The following CFAP57 variants were observed in gnomAD, a reference collection of about 807,000 sequenced individuals.
The protein encoded by CFAP57 is cilia and flagella associated protein 57, also known as cilia- and flagella-associated protein 57.
A neutral mutation model predicts 146.8 loss-of-function variants in CFAP57; 116 were observed. The ratio of observed to expected loss-of-function variants is 0.79; its 90% CI spans 0.68 to 0.92. The LOEUF (loss-of-function observed/expected upper bound fraction) is 0.92. Ranked by LOEUF, CFAP57 falls within the 40% of genes least tolerant of loss-of-function variation. CFAP57 has a pLI of 0.00. For synonymous variants in CFAP57, 518 were observed against 552.8 expected (o/e 0.94, Z 0.88); for missense variants, 1,377 against 1,527.2 (o/e 0.90, Z 1.64).
At chr1:43,232,099 G>A (rs999753677) in intron 18 of CFAP57, 10 of 701,516 alleles carry the variant, frequency 1.4e-5, no homozygotes, top group East Asian at 5.4e-5. Flanking sequence ...CCAGAGGGTC[G>A]AGATTCACTT....
intron 22 of CFAP57, among the ~76,000 whole-genome samples, chr1:43,248,879 C>T (rs1334602440): frequency 6.6e-6 from 1 of 151,314 alleles, no homozygotes; most frequent in East Asian, 1.9e-4. Context: ...ATATCATAAC[C>T]TTTTTTTAAT....
Position 43,206,253 on chromosome 1 carries a change from A to G in CFAP57, c.1543-467A>G, listed in dbSNP as rs191921882. 7.5e-5 allele frequency: 13 copies of G among 172,220 alleles called. No individual in the cohort carries two copies. In the East Asian group the frequency reaches 1.8e-3, roughly 24 times the overall value. The allele number at this position is 172,220 out of a possible 1,614,324, so 10.7% of individuals were successfully genotyped here. A position where few individuals can be genotyped will look rare whatever the true frequency, so the allele number is the denominator to read the frequency against. On this transcript the variant is annotated intron_variant, in intron 9 of 22. Coordinates refer to ENST00000372492, the MANE Select transcript of CFAP57 (RefSeq NM_001378189.1). ...TGGGACTACAGATGTGATCCACTGC[A>G]CCCAGCCTTCTAAAGACTTTAAATG...
At chr1:43,224,973 T>C (rs908125793) in intron 17 of CFAP57, among the ~76,000 whole-genome samples, 2 of 152,214 alleles carry the variant, frequency 1.3e-5, no homozygotes, top group African/African-American at 4.8e-5. Context: ...TCAAGGGGTC[T>C]TGTAAGGATC....
intron 2 of CFAP57, among the ~76,000 whole-genome samples, chr1:43,180,223 T>TTATATATATATATATATA (rs1289107795): frequency 7.9e-4 from 108 of 137,376 alleles, no homozygotes; most frequent in African/African-American, 2.8e-3. Flanking sequence ...TATATATATT[T>TTATATATATATATATATA]TATATATATA....
chr1:43,200,235 A>T (rs1176308533), intron 9 of CFAP57, among the ~76,000 whole-genome samples: 1 of 152,130 alleles, frequency 6.6e-6, no homozygotes, highest in Non-Finnish European at 1.5e-5. Context: ...CCTATAATCT[A>T]AGCACTTTGG....
At position 43,221,391 on chromosome 1, in the gene CFAP57, A is replaced by G. The variant is rs891929099; in HGVS notation, c.2267A>G (p.Glu756Gly). The change falls in exon 14 of 23, where the codon GAG (glutamate) becomes GGG (glycine). Residue 756 changes from glutamate to glycine, a missense_variant. By Grantham distance (98) the Glu-to-Gly change is moderately conservative (BLOSUM62 -2). Transcript: ENST00000372492. ...TTTTAGGTCTTAAGAACAGAAAAAG[A>G]GAAGCAGGATGTTTATCACCATGAG... ...TKNQVLRTEK[E>G]KQDVYHHEHI... is the part of the protein sequence containing the mutation. 7 of 1,543,006 alleles carry G rather than the reference A, an allele frequency of 4.5e-6. No homozygotes were observed. In the East Asian group the frequency reaches 1.7e-4, roughly 38 times the overall value.
intron 6 of CFAP57, among the ~76,000 whole-genome samples, chr1:43,195,469 C>T (rs549874030): frequency 1.3e-4 from 19 of 151,342 alleles, no homozygotes; most frequent in Middle Eastern, 3.4e-3. Context: ...TGCAGTGAGC[C>T]GAGATCACGC....
intron 9 of CFAP57, among the ~76,000 whole-genome samples, chr1:43,205,656 C>T (rs776403474): frequency 3.3e-5 from 5 of 152,066 alleles, no homozygotes; most frequent in Admixed American, 1.3e-4. Context: ...GACAATGGGC[C>T]GAGGGGAAGA....
At chr1:43,172,584 A>AAAGGGGAGCGG in intron 1 of CFAP57, 131 bp downstream of exon 1, 1 of 456,528 alleles carries the variant, frequency 2.2e-6, no homozygotes, top group Non-Finnish European at 3.6e-6. Flanking sequence ...AAGGGGAGGG[A>AAAGGGGAGCGG]CAAGGGGAGG....
intron 10 of CFAP57, among the ~76,000 whole-genome samples, chr1:43,208,925 G>A (rs1644476748): frequency 6.6e-6 from 1 of 152,154 alleles, no homozygotes; most frequent in South Asian, 2.1e-4. Context: ...TCAGTTACCT[G>A]TGGTCAACCA....
At chr1:43,186,991 C>A in intron 6 of CFAP57, 132 bp downstream of exon 6, 1 of 1,058,358 alleles carries the variant, frequency 9.4e-7, no homozygotes, top group Non-Finnish European at 1.4e-6. Context: ...CAGAGCAAAA[C>A]AAAATTCTAA....
intron 21 of CFAP57, among the ~76,000 whole-genome samples, chr1:43,239,164 T>C (rs1009945005): frequency 6.6e-6 from 1 of 152,094 alleles, no homozygotes; most frequent in Non-Finnish European, 1.5e-5. Context: ...GGACCTCCCA[T>C]GCCTGGCACA....
At position 43,185,195 on chromosome 1, in the gene CFAP57, C is replaced by T. The variant is rs1374731442; in HGVS notation, c.808C>T (p.Gln270Ter). The change falls in exon 5 of 23, where the codon CAG becomes TAG. Residue 270 changes from glutamine (Q) to a stop codon, truncating the protein, a stop_gained. Transcript: ENST00000372492. LOFTEE classifies it high-confidence loss of function. ...CAGTTCTCCACTCCCTTCCTATGAA[C>T]AGATGGTGGCGGCCAGTAGCCATAG... ...PVSSPLPSYE[Q>*]MVAASSHSQM... 1 of 1,614,176 alleles carries T rather than the reference C, an allele frequency of 6.2e-7. No homozygotes were observed. Among genetic ancestry groups the T allele is most frequent in the African/African-American group, 1.3e-5 (1 of 75,026 alleles).
chr1:43,220,441 C>T (rs1335656565), intron 13 of CFAP57, among the ~76,000 whole-genome samples: 1 of 152,140 alleles, frequency 6.6e-6, no homozygotes. Context: ...ATCTAAAATC[C>T]CCACTGGGCA....
chr1:43,189,823 T>A (rs1643386195), intron 6 of CFAP57, among the ~76,000 whole-genome samples: 1 of 152,184 alleles, frequency 6.6e-6, no homozygotes, highest in Non-Finnish European at 1.5e-5. Flanking sequence ...GCACATCACA[T>A]GGTGAGAGCA....
rs1645414453 is a variant in CFAP57, at chr1:43,181,717, C to T, written c.341C>T (p.Ala114Val). The change falls in exon 3 of 23, where the codon GCT becomes GTT. Residue 114 changes from alanine (A) to valine (V), a missense_variant. Ala to Val is a moderately conservative substitution (Grantham distance 64). Coordinates refer to ENST00000372492, the MANE Select transcript of CFAP57 (RefSeq NM_001378189.1). Reference protein sequence around the residue: ...DFQVQKFISMAFSPDSKYLLA... With the variant: ...DFQVQKFISMVFSPDSKYLLA... ...CAAGTTCAGAAATTTATTAGCATGGCTTTTTCTCCAGACTCCAAATACCTA... is the reference window on the plus strand; with the variant it reads ...CAAGTTCAGAAATTTATTAGCATGGTTTTTTCTCCAGACTCCAAATACCTA... 2.5e-6 allele frequency: 4 copies of T among 1,614,162 alleles called. No individual in the cohort carries two copies. Among genetic ancestry groups the T allele is most frequent in the Non-Finnish European group, 3.4e-6 (4 of 1,180,022 alleles).
Position 43,206,948 on chromosome 1 carries a change from C to T in CFAP57, c.1755+16C>T. On this transcript the variant is annotated intron_variant, in intron 10 of 22. Coordinates refer to ENST00000372492, the MANE Select transcript of CFAP57 (RefSeq NM_001378189.1). ...AGATTCCTTGGTGAGTCTGCCCCTGCCCCGCCTCTGGGCTGGTGCACGGAT... is the reference window on the plus strand; with the variant it reads ...AGATTCCTTGGTGAGTCTGCCCCTGTCCCGCCTCTGGGCTGGTGCACGGAT... 6.2e-7 allele frequency: 1 copy of T among 1,611,236 alleles called. No homozygotes were observed. Among genetic ancestry groups the T allele is most frequent in the Non-Finnish European group, 8.5e-7 (1 of 1,178,938 alleles).
At chr1:43,176,714 G>A (rs1412902668) in intron 2 of CFAP57, among the ~76,000 whole-genome samples, 2 of 152,324 alleles carry the variant, frequency 1.3e-5, no homozygotes, top group African/African-American at 4.8e-5. Flanking sequence ...ATGCTAGATA[G>A]TGATAGATGC....
intron 6 of CFAP57, 101 bp from the exon 7 acceptor site, chr1:43,197,452 G>A (rs942453169): frequency 1.0e-5 from 15 of 1,455,808 alleles, no homozygotes; most frequent in Non-Finnish European, 1.3e-5. Flanking sequence ...TGATTTCTGT[G>A]CACCCAGGCT....
Sources: allele counts gnomAD v4.1 joint callset (sites outside exome capture counted in the v4.1 genomes callset), GRCh38; gene constraint gnomAD v4.1.1; transcripts MANE v1.5; gene names NCBI Gene and HGNC (gene_info 2026-07-23, HGNC 2026-07-21).